Variants in PDIA6 observed in about 807,000 individuals in gnomAD.
PDIA6 encodes the protein protein disulfide isomerase family A member 6.
Under a neutral mutation model 58.4 loss-of-function variants are expected in PDIA6, and 29 were observed. That is an observed-to-expected ratio of 0.50 (90% CI 0.37 to 0.68). The LOEUF is 0.68. PDIA6 is among the 30% of genes least tolerant of loss of function. PDIA6 has a pLI of 0.00. For synonymous variants in PDIA6, 192 were observed against 202.6 expected (o/e 0.95, Z 0.44); for missense variants, 480 against 551.0 (o/e 0.87, Z 1.29).
rs186786684 is a variant in PDIA6 at position 10,803,689 on chromosome 2, T to C, written c.20-1049A>G. ...AACAAATTCTGAACTTACTAGTATC[T>C]TAAGAACCCAAAAGTTCTCTGAAAT... On this transcript the variant is annotated intron_variant, in intron 1 of 12. Transcript: ENST00000272227. Among the ~76,000 whole-genome samples, 93 of 152,296 alleles carry C rather than the reference T, an allele frequency of 6.1e-4. 1 individual carries two copies. In the East Asian group the frequency reaches 0.018, roughly 29 times the overall value.
At chr2:10,829,973 C>T (rs1019591153) in intron 1 of PDIA6, among the ~76,000 whole-genome samples, 1 of 152,222 alleles carries the variant, frequency 6.6e-6, no homozygotes, top group Admixed American at 6.5e-5. Flanking sequence ...GTTCTTCAAG[C>T]GTGTTGCATG....
At chr2:10,826,659 C>G (rs1350888089) in intron 1 of PDIA6, among the ~76,000 whole-genome samples, 1 of 152,124 alleles carries the variant, frequency 6.6e-6, no homozygotes, top group African/African-American at 2.4e-5. Context: ...TGTGCCAGGT[C>G]GAATTATACG....
At position 10,790,777 on chromosome 2, in the gene PDIA6, T is replaced by A. The variant is rs4807; in HGVS notation, c.641A>T (p.Lys214Ile). Residue 214 changes from lysine to isoleucine, a missense_variant, in exon 7 of 13, where the codon AAA becomes ATA. Physicochemically the swap from Lys to Ile is moderately radical, Grantham distance 102. Coordinates refer to ENST00000272227, the MANE Select transcript of PDIA6 (RefSeq NM_005742.4). ...ASEVKEQTKG[K>I]VKLAAVDATV... The stretch of plus-strand genomic sequence containing the variant: ...AGCATCCACAGCTGCCAGTTTCACT[T>A]TTCCTTTCGTCTGCTCTTTTACTTC... 1 of 1,614,020 alleles carries A rather than the reference T, an allele frequency of 6.2e-7. No individual in the cohort carries two copies. Among genetic ancestry groups the A allele is most frequent in the Middle Eastern group, 1.6e-4 (1 of 6,062 alleles).
intron 1 of PDIA6, among the ~76,000 whole-genome samples, chr2:10,829,456 A>G (rs1379587297): frequency 6.6e-6 from 1 of 152,248 alleles, no homozygotes. Flanking sequence ...GCCAAAAGCC[A>G]TAATAACCAA....
chr2:10,812,860 G>T, upstream of PDIA6: 1 of 1,161,932 alleles, frequency 8.6e-7, no homozygotes, highest in Non-Finnish European at 1.1e-6. Context: ...AGCCGTGGCT[G>T]CGGCTCATTG....
intron 1 of PDIA6, 84 bp downstream of exon 1, chr2:10,812,594 G>T: frequency 1.5e-6 from 2 of 1,345,250 alleles, no homozygotes; most frequent in Non-Finnish European, 2.0e-6. Context: ...CTGCGGCCGC[G>T]GCCCGCCGGG....
upstream of PDIA6, among the ~76,000 whole-genome samples, chr2:10,834,747 C>T (rs1667792687): frequency 9.2e-6 from 1 of 108,706 alleles, no homozygotes; most frequent in Non-Finnish European, 1.8e-5. Context: ...TCCTTCCTTC[C>T]TTCCTTCCTT....
At chr2:10,825,453 A>G (rs576147744) in intron 1 of PDIA6, among the ~76,000 whole-genome samples, 2 of 152,200 alleles carry the variant, frequency 1.3e-5, no homozygotes, top group African/African-American at 2.4e-5. Flanking sequence ...AAAACTTTCC[A>G]ATGGACAACA....
intron 1 of PDIA6, among the ~76,000 whole-genome samples, chr2:10,807,236 T>C (rs1229290259): frequency 6.6e-6 from 1 of 152,098 alleles, no homozygotes; most frequent in Non-Finnish European, 1.5e-5. Context: ...TGAGAGAGGG[T>C]CTTGATCTGT....
chr2:10,807,184 G>T (rs895788492), intron 1 of PDIA6, among the ~76,000 whole-genome samples: 9 of 152,152 alleles, frequency 5.9e-5, no homozygotes, highest in Non-Finnish European at 1.2e-4. Flanking sequence ...TTTGCATCAT[G>T]CTGGCTTTTG....
chr2:10,816,730 C>A (rs536094686), upstream of PDIA6, among the ~76,000 whole-genome samples: 2 of 152,034 alleles, frequency 1.3e-5, no homozygotes, highest in Non-Finnish European at 2.9e-5. Context: ...ATTTTGCTTC[C>A]CAAGATCAGA....
chr2:10,789,805 C>A lies in PDIA6; in HGVS notation c.784G>T (p.Val262Leu). The A allele has an allele frequency of 1.2e-6, 2 of 1,613,722 alleles. No individual in the cohort carries two copies. Among genetic ancestry groups the A allele is most frequent in the Non-Finnish European group, 1.7e-6 (2 of 1,179,778 alleles). Residue 262 changes from valine to leucine, a missense_variant, in exon 8 of 13, where the codon GTG (valine) becomes TTG (leucine). Physicochemically the swap from Val to Leu is conservative, Grantham distance 32 (BLOSUM62 1). Coordinates refer to ENST00000272227, the MANE Select transcript of PDIA6 (RefSeq NM_005742.4). ...YDGGRTRSDI[V>L]SRALDLFSDN... ...GAAAACAAATCAAGGGCCCGGGACACGATGTCGGATCTTGTCCGCCCACCG... is the reference window on the plus strand; with the variant it reads ...GAAAACAAATCAAGGGCCCGGGACAAGATGTCGGATCTTGTCCGCCCACCG...
chr2:10,789,800 G>C lies in PDIA6; in HGVS notation c.789C>G (p.Ser263=). Residue 263 remains serine (S), a synonymous_variant, in exon 8 of 13, where the codon TCC becomes TCG. Transcript: ENST00000272227. ...TATCAGAAAACAAATCAAGGGCCCG[G>C]GACACGATGTCGGATCTTGTCCGCC... ...DGGRTRSDIV[S]RALDLFSDNA... is the part of the protein sequence containing the mutation. The C allele has an allele frequency of 6.2e-7, 1 of 1,613,786 alleles. No individual in the cohort carries two copies. Among genetic ancestry groups the C allele is most frequent in the African/African-American group, 1.3e-5 (1 of 74,920 alleles).
At chr2:10,799,272 T>A (rs1666403048) in intron 2 of PDIA6, among the ~76,000 whole-genome samples, 1 of 152,264 alleles carries the variant, frequency 6.6e-6, no homozygotes, top group African/African-American at 2.4e-5. Flanking sequence ...TTAATGCATT[T>A]TTAAAAACAA....
chr2:10,815,698 C>A (rs114358907), upstream of PDIA6, among the ~76,000 whole-genome samples: 226 of 152,228 alleles, frequency 1.5e-3, 2 homozygotes, highest in African/African-American at 5.1e-3. Context: ...GTGCACATCA[C>A]CATTGCCCAG....
intron 4 of PDIA6, 133 bp from the exon 5 acceptor site, chr2:10,793,335 T>C (rs1666124209): frequency 1.6e-6 from 1 of 619,952 alleles, no homozygotes. Context: ...CGTGTATCTC[T>C]GACAGAACAC....
chr2:10,834,734 CCT>C (rs1667791604), upstream of PDIA6, among the ~76,000 whole-genome samples: 1 of 57,938 alleles, frequency 1.7e-5, no homozygotes, highest in Non-Finnish European at 3.1e-5. Context: ...TTCCTTCCCT[CCT>C]TCCTTCCTTC....
chr2:10,789,377 T>TAC (rs1335393041), intron 8 of PDIA6, among the ~76,000 whole-genome samples: 1 of 152,030 alleles, frequency 6.6e-6, no homozygotes, highest in Non-Finnish European at 1.5e-5. Flanking sequence ...AAACAGTATC[T>TAC]ACCTCTCAGT....
Position 10,802,518 on chromosome 2 carries a change from C to T in PDIA6, c.142G>A (p.Val48Ile). 2 of 1,399,678 alleles carry T rather than the reference C, an allele frequency of 1.4e-6. No individual in the cohort carries two copies. The highest frequency in any genetic ancestry group is 2.7e-5 in the East Asian group (1 of 36,954). The allele number at this position is 1,399,678 out of a possible 1,614,324, so 86.7% of individuals were successfully genotyped here. ...EVIQSDSLWL[V>I]EFYAPWCGHC... is the part of the protein sequence containing the mutation. The stretch of plus-strand genomic sequence containing the variant: ...ACTTACCATGGAGCATAGAATTCTA[C>T]AAGCCACAAACTATCACTCTGAATA... The change falls in exon 2 of 13, where the codon GTA becomes ATA. Residue 48 changes from valine to isoleucine, a missense_variant. By Grantham distance (29) the Val-to-Ile change is conservative. Coordinates refer to ENST00000272227, the MANE Select transcript of PDIA6 (RefSeq NM_005742.4).
Sources: allele counts gnomAD v4.1 joint callset (sites outside exome capture counted in the v4.1 genomes callset), GRCh38; gene constraint gnomAD v4.1.1; transcripts MANE v1.5; gene names NCBI Gene and HGNC (gene_info 2026-07-23, HGNC 2026-07-21).